The following CFAP65 variants were observed in gnomAD, a reference collection of about 807,000 sequenced individuals.
CFAP65 encodes cilia- and flagella-associated protein 65.
A neutral mutation model predicts 208.0 loss-of-function variants in CFAP65; 155 were observed. The ratio of observed to expected loss-of-function variants is 0.75; its 90% CI spans 0.65 to 0.85. The LOEUF (loss-of-function observed/expected upper bound fraction) is 0.85, where lower values mean the gene tolerates loss of function less well. CFAP65 is among the 40% of genes least tolerant of loss of function. The pLI, the probability that CFAP65 is intolerant of heterozygous loss-of-function variation, is 0.00. For missense variants in CFAP65, 2,294 were observed against 2,451.3 expected (o/e 0.94, Z 1.36); for synonymous variants, 970 against 986.3 (o/e 0.98, Z 0.31).
rs370621329 is a variant in CFAP65, at chr2:219,022,212, T to C, written c.2938A>G (p.Met980Val). 1 of 1,606,504 alleles carries C rather than the reference T, an allele frequency of 6.2e-7. No individual in the cohort carries two copies. The highest frequency in any genetic ancestry group is 8.5e-7 in the Non-Finnish European group (1 of 1,176,892). ...AGCCCAACGCCCACCAGCCGGAGCATGTAGTGGGTGGTGGCAGCGGGGTTG... is the reference window on the plus strand; with the variant it reads ...AGCCCAACGCCCACCAGCCGGAGCACGTAGTGGGTGGTGGCAGCGGGGTTG... ...NANPAATTHY[M>V]LRLVGVGLTS... Residue 980 changes from methionine (M) to valine (V), a missense_variant, in exon 17 of 35, where the codon ATG becomes GTG. By Grantham distance (21) the Met-to-Val change is conservative. Coordinates refer to ENST00000341552, the MANE Select transcript of CFAP65 (RefSeq NM_194302.4).
intron 14 of CFAP65, among the ~76,000 whole-genome samples, chr2:219,025,101 A>G (rs187980151): frequency 6.6e-6 from 1 of 152,248 alleles, no homozygotes; most frequent in African/African-American, 2.4e-5. Flanking sequence ...AAAACCTGCA[A>G]TCCCTGACCA....
At chr2:219,025,887 C>A (rs917325831) in intron 14 of CFAP65, 135 bp downstream of exon 14, 12 of 1,094,712 alleles carry the variant, frequency 1.1e-5, no homozygotes, top group Non-Finnish European at 1.6e-5. Flanking sequence ...ATTGGCACAG[C>A]GGACGTGGGG....
Position 219,010,586 on chromosome 2 carries a change from TC to T in CFAP65, c.4267del (p.Asp1423ThrfsTer58). On this transcript the variant is annotated frameshift_variant, in exon 26 of 35. Transcript: ENST00000341552. LOFTEE classifies it high-confidence loss of function. ...TAPFHNISSW[D>X]NSSIHSRLVV... ...CAGCCTAGAGTGTATGGAACTGTTG[TC>T]CCACGAGGAGATGTTGTGGAATGGG... 1 of 1,611,680 alleles carries T rather than the reference TC, an allele frequency of 6.2e-7. No individual in the cohort carries two copies. Among genetic ancestry groups the T allele is most frequent in the Non-Finnish European group, 8.5e-7 (1 of 1,179,680 alleles).
chr2:219,014,092 A>AGAGAGGC (rs765333346), intron 21 of CFAP65, 48 bp from the exon 22 acceptor site: 1 of 1,523,786 alleles, frequency 6.6e-7, no homozygotes, highest in East Asian at 2.3e-5. Flanking sequence ...CAGGCAGAAC[A>AGAGAGGC]GAGAGGCAGG....
At chr2:219,037,895 G>A (rs1574660504) in intron 4 of CFAP65, among the ~76,000 whole-genome samples, 1 of 152,124 alleles carries the variant, frequency 6.6e-6, no homozygotes, top group Non-Finnish European at 1.5e-5. Context: ...CACATAGAGA[G>A]AACTACAAAG....
At chr2:219,016,289 CT>C (rs5838714) in intron 21 of CFAP65, among the ~76,000 whole-genome samples, 4,702 of 85,458 alleles carry the variant, frequency 0.055, 92 homozygotes, top group African/African-American at 0.23. Context: ...AGTCTCCCTC[CT>C]TTTTTTTTTT....
chr2:219,029,889 A>G, intron 10 of CFAP65, 97 bp downstream of exon 10: 1 of 1,270,334 alleles, frequency 7.9e-7, no homozygotes, highest in Non-Finnish European at 1.1e-6. Context: ...GGCTGAGGCA[A>G]GGTGGCCCCG....
At position 219,010,936 on chromosome 2, in the gene CFAP65, G is replaced by C; in HGVS notation, c.4018C>G (p.Leu1340Val). 3.7e-6 allele frequency: 6 copies of C among 1,613,908 alleles called. No homozygotes were observed. Among genetic ancestry groups the C allele is most frequent in the Non-Finnish European group, 5.1e-6 (6 of 1,180,016 alleles). The change falls in exon 25 of 35, where the codon CTG (leucine) becomes GTG (valine). Residue 1340 changes from leucine to valine, a missense_variant. By Grantham distance (32) the Leu-to-Val change is conservative (BLOSUM62 1). Around this residue, in one of 2 missense-constraint regions of CFAP65, gnomAD observed 1,427 missense variants for 1,438.7 expected, o/e 0.99. Coordinates refer to ENST00000341552, the MANE Select transcript of CFAP65 (RefSeq NM_194302.4). ...PVTYEVQTDVLSQVQEKNFDH... is the reference protein window; with the variant it reads ...PVTYEVQTDVVSQVQEKNFDH... ...AAATTTTTTTCCTGAACCTGTGACA[G>C]GACATCGGTCTGGACCTCATATGTC...
intron 16 of CFAP65, among the ~76,000 whole-genome samples, chr2:219,022,784 T>A (rs1947353895): frequency 6.6e-6 from 1 of 152,190 alleles, no homozygotes; most frequent in South Asian, 2.1e-4. Flanking sequence ...GTCTGCTATT[T>A]TGAATCCCAG....
At position 219,019,628 on chromosome 2, in the gene CFAP65, G is replaced by C; in HGVS notation, c.3351C>G (p.Gly1117=). The change falls in exon 20 of 35, where the codon GGC becomes GGG. Residue 1117 remains glycine, a synonymous_variant. Transcript: ENST00000341552. ...LLSILDVSSM[G]SAEGITRKHL... is the part of the protein sequence containing the mutation. ...GCTTCCGGGTGATACCCTCAGCACT[G>C]CCCATGGAGCTGACATCCAGGATGG... 1 of 1,613,784 alleles carries C rather than the reference G, an allele frequency of 6.2e-7. No homozygotes were observed. The highest frequency in any genetic ancestry group is 8.5e-7 in the Non-Finnish European group (1 of 1,179,994).
At position 219,038,515 on chromosome 2, in the gene CFAP65, T is replaced by C. The variant is rs753291598; in HGVS notation, c.217A>G (p.Ser73Gly). ...PKDMMLTQAP[S>G]SVVRSRNSRN... ...CTGTTCCTGGACCTCACGACGGAGC[T>C]TGGAGCCTGGGTGAGCATCATGTCC... Residue 73 changes from serine (S) to glycine (G), a missense_variant, in exon 4 of 35, where the codon AGC becomes GGC. Around this residue, in one of 2 missense-constraint regions of CFAP65, gnomAD observed 867 missense variants for 1,012.6 expected, o/e 0.86. Coordinates refer to ENST00000341552, the MANE Select transcript of CFAP65 (RefSeq NM_194302.4). 4 of 1,614,016 alleles carry C rather than the reference T, an allele frequency of 2.5e-6. No individual in the cohort carries two copies. Among genetic ancestry groups the C allele is most frequent in the Admixed American group, 3.3e-5 (2 of 60,004 alleles).
chr2:219,022,118 C>T (rs1947302546), intron 17 of CFAP65, 53 bp downstream of exon 17: 6 of 1,518,620 alleles, frequency 4.0e-6, no homozygotes, highest in Non-Finnish European at 5.3e-6. Context: ...CCTTCCCTCC[C>T]ACCTGTCCGG....
chr2:219,013,491 G>A, intron 23 of CFAP65, 28 bp downstream of exon 23: 1 of 1,586,088 alleles, frequency 6.3e-7, no homozygotes, highest in East Asian at 2.3e-5. Flanking sequence ...CCTGAAACTA[G>A]GGCAGGGCCA....
At position 219,003,341 on chromosome 2, in the gene CFAP65, T is replaced by G. The variant is rs1441458148; in HGVS notation, c.5556-69A>C. On this transcript the variant is annotated intron_variant, in intron 33 of 34. Coordinates refer to ENST00000341552, the MANE Select transcript of CFAP65 (RefSeq NM_194302.4). The surrounding 1 kb of genome is among the most constrained non-coding windows in gnomAD (Gnocchi z 4.4). ...GCGCGCCTCCTCGCTCGCCTGTCCG[T>G]GCGGTACATTGTGCCGCGAGCTCTA... 4.8e-6 allele frequency: 7 copies of G among 1,459,462 alleles called. No individual in the cohort carries two copies. In the African/African-American group the frequency reaches 1.0e-4, roughly 21 times the overall value. The allele number at this position is 1,459,462 out of a possible 1,614,324, so 90.4% of individuals were successfully genotyped here.
chr2:219,016,690 A>G (rs1040849520), intron 21 of CFAP65, among the ~76,000 whole-genome samples: 1 of 151,940 alleles, frequency 6.6e-6, no homozygotes, highest in African/African-American at 2.4e-5. Context: ...GAGAACCACA[A>G]CGGCCTCCCA....
chr2:219,025,211 G>A (rs1410877887), intron 14 of CFAP65, among the ~76,000 whole-genome samples: 1 of 152,200 alleles, frequency 6.6e-6, no homozygotes, highest in East Asian at 1.9e-4. Context: ...CCCACCAGGA[G>A]GAACTGCCAA....
chr2:219,005,588 G>A lies in CFAP65; in HGVS notation c.4923-26C>T, dbSNP rs1453665857. 3 of 1,609,558 alleles carry A rather than the reference G, an allele frequency of 1.9e-6. No homozygotes were observed. The South Asian group carries it at 3.3e-5, about 18-fold the overall frequency. On this transcript the variant is annotated intron_variant, in intron 31 of 34. Coordinates refer to ENST00000341552, the MANE Select transcript of CFAP65 (RefSeq NM_194302.4). The stretch of plus-strand genomic sequence containing the variant: ...CTGTGGCAGCCATGACATTCTGAGT[G>A]GCCTGGGCAAGCCACCATGCTGGGG...
chr2:219,025,955 T>A, intron 14 of CFAP65, 67 bp downstream of exon 14: 1 of 1,576,918 alleles, frequency 6.3e-7, no homozygotes, highest in Non-Finnish European at 8.7e-7. Flanking sequence ...GGGAGAGGGA[T>A]CTGCAGGCCA....
chr2:219,025,980 G>A (rs544714558), intron 14 of CFAP65, 42 bp downstream of exon 14: 1 of 1,605,286 alleles, frequency 6.2e-7, no homozygotes, highest in Non-Finnish European at 8.5e-7. Flanking sequence ...AGAAGCTAGG[G>A]CTCCCCTGTC....
Sources: allele counts gnomAD v4.1 joint callset (sites outside exome capture counted in the v4.1 genomes callset), GRCh38; gene constraint gnomAD v4.1.1; regional missense constraint gnomAD v4.1.1; non-coding constraint Gnocchi (gnomAD v3.1); transcripts MANE v1.5; gene names NCBI Gene and HGNC (gene_info 2026-07-23, HGNC 2026-07-21).